SYNJ1: variants seen among roughly 807,000 people sequenced by gnomAD.
SYNJ1 encodes polyphosphatidylinositol phosphatase SYNJ1.
In SYNJ1, 78 loss-of-function variants were observed where a neutral mutation model predicts 168.2. That is an observed-to-expected ratio of 0.46 (90% CI 0.39 to 0.56). The LOEUF is 0.56. Among genes scored for constraint, SYNJ1 ranks in the 20% least tolerant of loss-of-function variants. The probability of loss-of-function intolerance (pLI) is 0.00; values close to 1 mark genes in which losing one functional copy is unlikely to be tolerated. For synonymous variants in SYNJ1, 539 were observed against 548.6 expected (o/e 0.98, Z 0.24); for missense variants, 1,303 against 1,597.6 (o/e 0.82, Z 3.14).
chr21:32,717,084 C>T (rs559389931), intron 2 of SYNJ1, among the ~76,000 whole-genome samples: 4 of 151,924 alleles, frequency 2.6e-5, no homozygotes, highest in Non-Finnish European at 5.9e-5. Flanking sequence ...CTCAGCCTCT[C>T]GAGTAGCTGG....
At chr21:32,692,881 C>G (rs2042075564) in intron 6 of SYNJ1, among the ~76,000 whole-genome samples, 2 of 151,898 alleles carry the variant, frequency 1.3e-5, no homozygotes, top group Non-Finnish European at 2.9e-5. Context: ...GGGACCCTGT[C>G]TCTACAAAAA....
rs1292293673 is a variant in SYNJ1, at chr21:32,657,065, G to A, written c.2517C>T (p.Tyr839=). Reference sequence around the variant, plus strand: ...GCAGCAAAGTGCCTGGAGTCCACGTGTACAGAATTTTGCTTTCATCTTGAA... The same window carrying A: ...GCAGCAAAGTGCCTGGAGTCCACGTATACAGAATTTTGCTTTCATCTTGAA... The part of the protein sequence containing the change: ...ASFQDESKIL[Y]TWTPGTLLHY... Residue 839 remains tyrosine, a synonymous_variant, in exon 20 of 33, where the codon TAC becomes TAT. Coordinates refer to ENST00000674351, the MANE Select transcript of SYNJ1 (RefSeq NM_203446.3). 1.2e-6 allele frequency: 2 copies of A among 1,614,178 alleles called. No individual in the cohort carries two copies. The highest frequency in any genetic ancestry group is 1.1e-5 in the South Asian group (1 of 91,082).
intron 31 of SYNJ1, 36 bp downstream of exon 31, chr21:32,638,872 T>C (rs1569025556): frequency 6.5e-7 from 1 of 1,548,404 alleles, no homozygotes; most frequent in Middle Eastern, 1.7e-4. Context: ...ATCATATGCA[T>C]CAAAGATAAT....
intron 8 of SYNJ1, among the ~76,000 whole-genome samples, chr21:32,686,321 C>A (rs949963894): frequency 6.6e-6 from 1 of 151,882 alleles, no homozygotes; most frequent in African/African-American, 2.4e-5. Context: ...ATTTATTTCA[C>A]CAGATTAAAA....
intron 2 of SYNJ1, among the ~76,000 whole-genome samples, chr21:32,703,497 A>AT: frequency 6.6e-6 from 1 of 152,226 alleles, no homozygotes; most frequent in East Asian, 1.9e-4. Context: ...TAAGAGTACC[A>AT]TATGTACTGT....
intron 18 of SYNJ1, among the ~76,000 whole-genome samples, chr21:32,659,981 C>T (rs1368965389): frequency 6.6e-6 from 1 of 152,206 alleles, no homozygotes; most frequent in Non-Finnish European, 1.5e-5. Flanking sequence ...AGGTAATTGC[C>T]CCGGTCGAAC....
chr21:32,642,135 T>A lies in SYNJ1; in HGVS notation c.3479-2A>T. On this transcript the variant is annotated splice_acceptor_variant, in intron 27 of 32. Coordinates refer to ENST00000674351, the MANE Select transcript of SYNJ1 (RefSeq NM_203446.3). LOFTEE classifies it high-confidence loss of function. The stretch of plus-strand genomic sequence containing the variant: ...TTGTTGTTCCAGGGCTTTTGGGTGC[T>A]TTGAAGCAAGAAGGGAAAAAAAAAT... The A allele has an allele frequency of 6.2e-7, 1 of 1,613,998 alleles. No homozygotes were observed. The highest frequency in any genetic ancestry group is 8.5e-7 in the Non-Finnish European group (1 of 1,180,020).
intron 2 of SYNJ1, among the ~76,000 whole-genome samples, chr21:32,703,021 A>G (rs2042466790): frequency 6.6e-6 from 1 of 152,220 alleles, no homozygotes; most frequent in Admixed American, 6.5e-5. Flanking sequence ...GAGATCTTCT[A>G]CTTTGCCTGA....
At chr21:32,693,393 C>A (rs1043394376) in intron 6 of SYNJ1, among the ~76,000 whole-genome samples, 5 of 152,146 alleles carry the variant, frequency 3.3e-5, no homozygotes, top group African/African-American at 1.2e-4. Context: ...AAGTGTTAAT[C>A]CTTGTTAACT....
intron 4 of SYNJ1, among the ~76,000 whole-genome samples, chr21:32,697,765 C>T (rs546852069): frequency 2.6e-5 from 4 of 152,326 alleles, no homozygotes; most frequent in East Asian, 1.9e-4. Flanking sequence ...CGCGCCACTG[C>T]GCTCCAGCCT....
chr21:32,637,554 G>A (rs1438790175), intron 31 of SYNJ1, among the ~76,000 whole-genome samples: 3 of 151,672 alleles, frequency 2.0e-5, no homozygotes, highest in Non-Finnish European at 2.9e-5. Context: ...GACTACAGGC[G>A]CACACCACCA....
intron 21 of SYNJ1, 93 bp downstream of exon 21, chr21:32,656,590 CTTTT>C: frequency 9.1e-7 from 1 of 1,097,596 alleles, no homozygotes; most frequent in Non-Finnish European, 1.3e-6. Flanking sequence ...TGGTATCTTT[CTTTT>C]TTAAAATTCT....
chr21:32,692,656 G>T (rs556573752), intron 6 of SYNJ1, among the ~76,000 whole-genome samples: 12 of 152,300 alleles, frequency 7.9e-5, no homozygotes, highest in African/African-American at 2.4e-4. Flanking sequence ...GCACACAGGA[G>T]AAGGAAGGCA....
At chr21:32,699,728 T>G in intron 4 of SYNJ1, 110 bp downstream of exon 4, 2 of 1,355,786 alleles carry the variant, frequency 1.5e-6, no homozygotes, top group Non-Finnish European at 2.0e-6. Flanking sequence ...ATCGAGGGTC[T>G]TCAGGGTTCT....
chr21:32,710,483 C>T (rs939849475), intron 2 of SYNJ1, among the ~76,000 whole-genome samples: 2 of 152,038 alleles, frequency 1.3e-5, no homozygotes, highest in African/African-American at 4.8e-5. Context: ...CTCTAATTAC[C>T]CTAGACCAGG....
At chr21:32,709,412 G>C (rs1230286503) in intron 2 of SYNJ1, among the ~76,000 whole-genome samples, 1 of 144,616 alleles carries the variant, frequency 6.9e-6, no homozygotes, top group African/African-American at 2.6e-5. Context: ...GGCAGGCGGA[G>C]GTAGTAGTGA....
In SYNJ1 at chr21:32,673,529, A is replaced by G; in HGVS notation, c.1537T>C (p.Ser513Pro). 2 of 1,599,990 alleles carry G rather than the reference A, an allele frequency of 1.3e-6. No individual in the cohort carries two copies. The highest frequency in any genetic ancestry group is 1.7e-6 in the Non-Finnish European group (2 of 1,173,554). Reference sequence around the variant, plus strand: ...CACATGCTCTTTAGTACTTTAGAAGATGCTAATCAAGAGAAGACACAATAG... The same window carrying G: ...CACATGCTCTTTAGTACTTTAGAAGGTGCTAATCAAGAGAAGACACAATAG... ...RVSEQTLQSASSKVLKSMCEN... is the reference protein window; with the variant it reads ...RVSEQTLQSAPSKVLKSMCEN... Residue 513 changes from serine (S) to proline (P), a missense_variant and splice_region_variant, in exon 14 of 33, where the codon TCT becomes CCT. Transcript: ENST00000674351.
Position 32,630,871 on chromosome 21 carries a change from TG to T in SYNJ1, c.*933del. ...GTCCAACTCTGTACACATCAAATAG[TG>T]GTGTTTTGTGAAGATATCAGTGCAC... is the stretch of plus-strand genomic sequence containing the variant. On this transcript the variant is annotated 3_prime_UTR_variant, in exon 33 of 33. Transcript: ENST00000674351. 1 of 894,114 alleles carries T rather than the reference TG, an allele frequency of 1.1e-6. No homozygotes were observed. Among genetic ancestry groups the T allele is most frequent in the Non-Finnish European group, 1.7e-6 (1 of 595,532 alleles). The allele number at this position is 894,114 out of a possible 1,614,324, so 55.4% of individuals were successfully genotyped here.
chr21:32,652,540 T>C (rs1223297887), intron 22 of SYNJ1, among the ~76,000 whole-genome samples: 2 of 152,190 alleles, frequency 1.3e-5, no homozygotes, highest in African/African-American at 4.8e-5. Flanking sequence ...AAGAAGTTGA[T>C]GTGACAGAAG....
Sources: gnomAD v4.1 joint callset for allele counts (sites outside exome capture counted in the v4.1 genomes callset) on GRCh38, gnomAD v4.1.1 for gene constraint, MANE v1.5 for transcripts, NCBI Gene and HGNC (gene_info 2026-07-23, HGNC 2026-07-21) for gene names.